Variants in NHSL1 observed in about 807,000 individuals in gnomAD.
The protein encoded by NHSL1 is NHS like 1, also known as NHS-like protein 1.
NHSL1 carries 48 observed loss-of-function variants against 95.0 expected under a neutral mutation model. The ratio of observed to expected loss-of-function variants is 0.51; its 90% CI spans 0.40 to 0.64. NHSL1 has a LOEUF of 0.64. NHSL1 is among the 30% of genes least tolerant of loss of function. The probability of loss-of-function intolerance (pLI) is 0.00; values close to 1 mark genes in which losing one functional copy is unlikely to be tolerated. For missense variants in NHSL1, 1,971 were observed against 2,077.7 expected (o/e 0.95, Z 1.00); for synonymous variants, 783 against 833.9 (o/e 0.94, Z 1.05).
intron 1 of NHSL1, among the ~76,000 whole-genome samples, chr6:138,580,987 G>A (rs920738577): frequency 1.3e-5 from 2 of 152,208 alleles, no homozygotes; most frequent in African/African-American, 4.8e-5. Context: ...GGCTGAGATC[G>A]AAGTGATTCA....
Position 138,432,251 on chromosome 6 carries a change from C to G in NHSL1, c.2094G>C (p.Glu698Asp), listed in dbSNP as rs1562262095. The G allele has an allele frequency of 1.9e-6, 3 of 1,549,976 alleles. No individual in the cohort carries two copies. The highest frequency in any genetic ancestry group is 2.4e-5 in the South Asian group (2 of 83,942). Residue 698 changes from glutamate (E) to aspartate (D), a missense_variant, in exon 6 of 8, where the codon GAG (glutamate) becomes GAC (aspartate). Transcript: ENST00000343505. This position sits in a 1 kb window ranked among gnomAD's most constrained non-coding sequence, Gnocchi z 4.4. ...AGTGCTGGAGTGTGGCGATCAGGCT[C>G]TCGTTGAGCACCTGCCCGTTGCACT... ...SSQCNGQVLN[E>D]SLIATLQHSL...
At chr6:138,463,012 T>C (rs949534467) in intron 3 of NHSL1, among the ~76,000 whole-genome samples, 2 of 152,176 alleles carry the variant, frequency 1.3e-5, no homozygotes, top group African/African-American at 4.8e-5. Flanking sequence ...AATGAGATTC[T>C]AGAGAGACCA....
At chr6:138,667,959 A>G (rs1052527495) in intron 1 of NHSL1, among the ~76,000 whole-genome samples, 12 of 152,350 alleles carry the variant, frequency 7.9e-5, no homozygotes, top group African/African-American at 2.9e-4. Flanking sequence ...TATAATTTTA[A>G]TAGTTAATAT....
Position 138,446,996 on chromosome 6 carries a change from C to T in NHSL1, c.532+5G>A, listed in dbSNP as rs1414746965. On this transcript the variant is annotated splice_donor_5th_base_variant and intron_variant, in intron 4 of 7. Transcript: ENST00000343505. The stretch of plus-strand genomic sequence containing the variant: ...TTCTGAACCTGTCTGGCTAGCAAAG[C>T]GTACCAGTTATGTTAATAGGCACCA... 7.7e-6 allele frequency: 12 copies of T among 1,551,328 alleles called. No individual in the cohort carries two copies. The highest frequency in any genetic ancestry group is 9.6e-6 in the Non-Finnish European group (11 of 1,146,784).
intron 1 of NHSL1, among the ~76,000 whole-genome samples, chr6:138,609,842 A>ACAG (rs1459266203): frequency 6.6e-6 from 1 of 152,108 alleles, no homozygotes; most frequent in African/African-American, 2.4e-5. Flanking sequence ...AGTGCTCAGC[A>ACAG]CAGCACCTGG....
upstream of NHSL1, among the ~76,000 whole-genome samples, chr6:138,575,287 G>A (rs1783951280): frequency 1.3e-5 from 2 of 152,162 alleles, no homozygotes; most frequent in African/African-American, 2.4e-5. Context: ...AGCAGCAAAG[G>A]TGAATTGGTA....
chr6:138,637,849 A>C (rs1784907132), intron 1 of NHSL1, among the ~76,000 whole-genome samples: 1 of 152,242 alleles, frequency 6.6e-6, no homozygotes, highest in Non-Finnish European at 1.5e-5. Flanking sequence ...TAGAACTACA[A>C]TATTATCCAG....
At chr6:138,477,404 A>G (rs1453917642) in intron 2 of NHSL1, among the ~76,000 whole-genome samples, 2 of 152,200 alleles carry the variant, frequency 1.3e-5, no homozygotes, top group Non-Finnish European at 2.9e-5. Context: ...GTTCAAGACC[A>G]GCCTGAACAA....
At chr6:138,601,584 C>T (rs953924306) in intron 1 of NHSL1, among the ~76,000 whole-genome samples, 12 of 152,072 alleles carry the variant, frequency 7.9e-5, no homozygotes, top group Non-Finnish European at 1.5e-4. Context: ...GAGGCCGAGG[C>T]GGGCGGATCA....
intron 3 of NHSL1, among the ~76,000 whole-genome samples, chr6:138,464,654 C>G (rs1199219527): frequency 6.6e-6 from 1 of 150,740 alleles, no homozygotes; most frequent in East Asian, 1.9e-4. Context: ...TGTGTTTTCG[C>G]TGTTTGGAAT....
At chr6:138,571,916 T>C in exon 1 of NHSL1, 1 of 1,550,994 alleles carries the variant, frequency 6.4e-7, no homozygotes, top group Non-Finnish European at 8.7e-7. Flanking sequence ...TTTCATCTTC[T>C]TTTCAAAATC....
intron 5 of NHSL1, among the ~76,000 whole-genome samples, chr6:138,434,514 C>G (rs982006781): frequency 7.3e-5 from 11 of 150,702 alleles, no homozygotes; most frequent in African/African-American, 2.4e-4. Context: ...TCAAGCTACC[C>G]AGGAAAGAAC....
At chr6:138,606,498 T>C (rs577593125) in intron 1 of NHSL1, among the ~76,000 whole-genome samples, 8 of 152,266 alleles carry the variant, frequency 5.3e-5, no homozygotes, top group Admixed American at 2.0e-4. Context: ...TAAATCTCTT[T>C]TGTATGCTTT....
upstream of NHSL1, among the ~76,000 whole-genome samples, chr6:138,546,427 C>CA (rs1177720465): frequency 4.8e-3 from 246 of 50,954 alleles, 22 homozygotes; most frequent in East Asian, 8.9e-3. Context: ...CCCATCTCTA[C>CA]AAAAAAAAAA....
chr6:138,465,665 T>C (rs1041261880), intron 3 of NHSL1, among the ~76,000 whole-genome samples: 1 of 152,132 alleles, frequency 6.6e-6, no homozygotes, highest in African/African-American at 2.4e-5. Flanking sequence ...TGTAGAGATA[T>C]CTTATTAATC....
At chr6:138,589,448 A>G (rs12204663) in intron 1 of NHSL1, among the ~76,000 whole-genome samples, 3,554 of 152,212 alleles carry the variant, frequency 0.023, 57 homozygotes, top group Middle Eastern at 0.041. Flanking sequence ...GCACTACGGC[A>G]CTGCCATAAC....
Position 138,431,038 on chromosome 6 carries a change from G to A in NHSL1, c.3307C>T (p.Pro1103Ser), listed in dbSNP as rs865827152. The change falls in exon 6 of 8, where the codon CCA becomes TCA. Residue 1103 changes from proline (P) to serine (S), a missense_variant. Around this residue, in one of 3 missense-constraint regions of NHSL1, gnomAD observed 1,602 missense variants for 1,654.5 expected, o/e 0.97. Transcript: ENST00000343505. This position sits in a 1 kb window ranked among gnomAD's most constrained non-coding sequence, Gnocchi z 4.0. The stretch of plus-strand genomic sequence containing the variant: ...TTTAAGTGGTACTGTGGAGCAACTG[G>A]AGTTCGTTGTTCCTGAGCTGTTCGT... ...SERTAQEQRT[P>S]VAPQYHLKPS... 3.9e-6 allele frequency: 6 copies of A among 1,551,926 alleles called. No homozygotes were observed. In the Admixed American group the frequency reaches 9.8e-5, roughly 25 times the overall value.
At chr6:138,622,022 G>A (rs1034883006) in intron 1 of NHSL1, among the ~76,000 whole-genome samples, 1 of 152,174 alleles carries the variant, frequency 6.6e-6, no homozygotes. Context: ...AATGAGGTAA[G>A]GTGTGTGAAA....
intron 1 of NHSL1, among the ~76,000 whole-genome samples, chr6:138,631,634 G>C (rs1025414806): frequency 1.3e-5 from 2 of 152,088 alleles, no homozygotes; most frequent in Non-Finnish European, 2.9e-5. Context: ...TTGTTGCCTT[G>C]AAAGGAAGGA....
Sources: allele counts gnomAD v4.1 joint callset (sites outside exome capture counted in the v4.1 genomes callset), GRCh38; gene constraint gnomAD v4.1.1; regional missense constraint gnomAD v4.1.1; non-coding constraint Gnocchi (gnomAD v3.1); transcripts MANE v1.5; gene names NCBI Gene and HGNC (gene_info 2026-07-23, HGNC 2026-07-21).